C2CD2: variants seen among roughly 807,000 people sequenced by gnomAD.
C2CD2 encodes C2 domain-containing protein 2.
In C2CD2, 43 loss-of-function variants were observed where a neutral mutation model predicts 74.3. The observed-to-expected ratio is 0.58, with a 90% CI of 0.45 to 0.75. The LOEUF (loss-of-function observed/expected upper bound fraction) is 0.75. C2CD2 is among the 30% of genes least tolerant of loss of function. The probability of loss-of-function intolerance (pLI) is 0.00; values close to 1 mark genes in which losing one functional copy is unlikely to be tolerated. For synonymous variants in C2CD2, 422 were observed against 390.7 expected (o/e 1.08, Z -0.94); for missense variants, 801 against 916.3 (o/e 0.87, Z 1.63).
intron 1 of C2CD2, among the ~76,000 whole-genome samples, chr21:41,944,228 T>C (rs930911726): frequency 2.0e-5 from 3 of 152,168 alleles, no homozygotes; most frequent in African/African-American, 7.2e-5. Flanking sequence ...GAAAAGAGTT[T>C]GCAGCCGGGT....
In C2CD2 at chr21:41,888,850, A is replaced by G. The variant is rs1468924113; in HGVS notation, c.*274T>C. 1.9e-6 allele frequency: 1 copy of G among 530,060 alleles called. No individual in the cohort carries two copies. The highest frequency in any genetic ancestry group is 1.9e-5 in the African/African-American group (1 of 52,588). 32.8% of individuals were successfully genotyped at this position (530,060 alleles called of 1,614,324 possible). A position where few individuals can be genotyped will look rare whatever the true frequency, so the allele number is the denominator to read the frequency against. On this transcript the variant is annotated 3_prime_UTR_variant, in exon 14 of 14. Transcript: ENST00000380486. The stretch of plus-strand genomic sequence containing the variant: ...AATGTTAATCTCCTTCTAATATTGA[A>G]CCCTAACCCTTAGCTATGAGCACAG...
At chr21:41,919,823 G>A (rs902767641) in intron 3 of C2CD2, among the ~76,000 whole-genome samples, 1 of 152,184 alleles carries the variant, frequency 6.6e-6, no homozygotes, top group Non-Finnish European at 1.5e-5. Flanking sequence ...ACTTGTGACT[G>A]TGAGACCCTA....
chr21:41,893,019 A>T (rs9978354), intron 13 of C2CD2, among the ~76,000 whole-genome samples: 32,845 of 152,174 alleles, frequency 0.22, 4,012 homozygotes, highest in Non-Finnish European at 0.26. Context: ...TTAGAACAGG[A>T]ACAGGAGCCA....
chr21:41,913,856 T>A (rs754479324), intron 6 of C2CD2, among the ~76,000 whole-genome samples: 14 of 152,172 alleles, frequency 9.2e-5, no homozygotes, highest in Non-Finnish European at 1.6e-4. Context: ...GTGTTGCTTG[T>A]CTTGGCTCCA....
intron 1 of C2CD2, among the ~76,000 whole-genome samples, chr21:41,948,412 A>C (rs544149825): frequency 6.6e-6 from 1 of 152,340 alleles, no homozygotes; most frequent in African/African-American, 2.4e-5. Flanking sequence ...GGCGGGGAGC[A>C]TCTTGGCTGA....
At chr21:41,930,719 AAAAG>A (rs553280461) in intron 2 of C2CD2, among the ~76,000 whole-genome samples, 64 of 150,160 alleles carry the variant, frequency 4.3e-4, no homozygotes, top group African/African-American at 1.5e-3. Context: ...AACAAAAAAA[AAAAG>A]AAAGAAAGAA....
Position 41,912,944 on chromosome 21 carries a change from A to G in C2CD2, c.845-504T>C, listed in dbSNP as rs148140674. Among the ~76,000 whole-genome samples, 1,438 of 152,360 alleles carry G rather than the reference A, an allele frequency of 9.4e-3. 21 individuals are homozygous for G. The highest frequency in any genetic ancestry group is 0.031 in the South Asian group (152 of 4,830). ...ATAGCACCAGCCTTTATTGGAGTTA[A>G]GTAATTTTTTCCCACATTTGATATC... On this transcript the variant is annotated intron_variant, in intron 6 of 13. Transcript: ENST00000380486.
intron 6 of C2CD2, among the ~76,000 whole-genome samples, 193 bp from the exon 7 acceptor site, chr21:41,912,633 GGC>G (rs2065040933): frequency 6.6e-6 from 1 of 152,088 alleles, no homozygotes. Flanking sequence ...TGGGATTACA[GGC>G]GCACGCCTCC....
rs530055941 is a variant in C2CD2, at chr21:41,905,694, G to A, written c.1432+30C>T. Reference sequence around the variant, plus strand: ...CCCAAAAGGCCCAAAGGTGCTAAGAGGGAGAGCGACGTGGGCGTGTCTCAG... The same window carrying A: ...CCCAAAAGGCCCAAAGGTGCTAAGAAGGAGAGCGACGTGGGCGTGTCTCAG... On this transcript the variant is annotated intron_variant, in intron 11 of 13. Transcript: ENST00000380486. The A allele has an allele frequency of 6.6e-4, 774 of 1,165,360 alleles. 9 individuals are homozygous for A. In the South Asian group the frequency reaches 8.9e-3, roughly 13 times the overall value. The allele number at this position is 1,165,360 out of a possible 1,614,324, so 72.2% of individuals were successfully genotyped here.
At chr21:41,940,427 A>G (rs995204625) in intron 2 of C2CD2, among the ~76,000 whole-genome samples, 3 of 152,238 alleles carry the variant, frequency 2.0e-5, no homozygotes, top group African/African-American at 4.8e-5. Flanking sequence ...TCACAGGGAT[A>G]CGTAAGAGGT....
At chr21:41,910,407 G>A (rs897564860) in intron 7 of C2CD2, among the ~76,000 whole-genome samples, 3 of 152,270 alleles carry the variant, frequency 2.0e-5, no homozygotes, top group Non-Finnish European at 2.9e-5. Context: ...AATGGCATGT[G>A]CATTTGAGAG....
At chr21:41,907,863 A>T in intron 8 of C2CD2, 79 bp from the exon 9 acceptor site, 1 of 1,504,920 alleles carries the variant, frequency 6.6e-7, no homozygotes, top group Non-Finnish European at 9.2e-7. Context: ...CCACACGCCC[A>T]GCAGCCGGAA....
intron 9 of C2CD2, 108 bp downstream of exon 9, chr21:41,907,552 C>T (rs2064977385): frequency 8.1e-7 from 1 of 1,237,186 alleles, no homozygotes; most frequent in Non-Finnish European, 1.1e-6. Flanking sequence ...TGGAGGAGGT[C>T]TTATTTCACA....
In C2CD2 at chr21:41,899,161, G is replaced by A; in HGVS notation, c.1762C>T (p.Pro588Ser). 1 of 1,613,400 alleles carries A rather than the reference G, an allele frequency of 6.2e-7. No homozygotes were observed. Among genetic ancestry groups the A allele is most frequent in the Non-Finnish European group, 8.5e-7 (1 of 1,179,816 alleles). ...ELDSWDLEKE[P>S]QAAAWSSQVL... ...TGGCTGCTCCATGCCGCGGCCTGTG[G>A]CTCCTTCTCCAAGTCCCAGGAGTCT... The change falls in exon 13 of 14, where the codon CCA becomes TCA. Residue 588 changes from proline to serine, a missense_variant. Coordinates refer to ENST00000380486, the MANE Select transcript of C2CD2 (RefSeq NM_015500.2). The surrounding 1 kb of genome is among the most constrained non-coding windows in gnomAD (Gnocchi z 4.4).
intron 1 of C2CD2, among the ~76,000 whole-genome samples, chr21:41,944,836 A>T (rs1474398154): frequency 6.6e-6 from 1 of 152,224 alleles, no homozygotes; most frequent in Admixed American, 6.5e-5. Flanking sequence ...ACACTGAAAA[A>T]GGAAGACAAG....
chr21:41,941,794 C>T (rs555207705), intron 2 of C2CD2, among the ~76,000 whole-genome samples: 4 of 152,310 alleles, frequency 2.6e-5, no homozygotes, highest in South Asian at 2.1e-4. Context: ...CTTGGCAACA[C>T]GAATCTCCTT....
chr21:41,938,553 C>T (rs1464440476), intron 2 of C2CD2, among the ~76,000 whole-genome samples: 3 of 152,064 alleles, frequency 2.0e-5, no homozygotes, highest in Non-Finnish European at 4.4e-5. Context: ...ACTAACTCCC[C>T]GCTTTCCTCC....
intron 7 of C2CD2, among the ~76,000 whole-genome samples, chr21:41,911,559 T>A (rs2065026213): frequency 6.6e-6 from 1 of 152,062 alleles, no homozygotes; most frequent in Non-Finnish European, 1.5e-5. Context: ...GTCTGGCTAA[T>A]TTTTGTACTT....
chr21:41,950,635 A>C (rs2065442604), intron 1 of C2CD2, among the ~76,000 whole-genome samples: 2 of 152,146 alleles, frequency 1.3e-5, no homozygotes, highest in African/African-American at 4.8e-5. Context: ...CTCCAAGTTG[A>C]TACTGCATCC....
Sources: gnomAD v4.1 joint callset for allele counts (sites outside exome capture counted in the v4.1 genomes callset) on GRCh38, gnomAD v4.1.1 for gene constraint, Gnocchi (gnomAD v3.1) non-coding constraint, MANE v1.5 for transcripts, NCBI Gene and HGNC (gene_info 2026-07-23, HGNC 2026-07-21) for gene names.